The following STIM1 variants were observed in gnomAD, a reference collection of about 807,000 sequenced individuals.
STIM1 encodes stromal interaction molecule 1.
In STIM1, 25 loss-of-function variants were observed where a neutral mutation model predicts 74.7. The observed-to-expected ratio is 0.33, with a 90% CI of 0.24 to 0.47. The LOEUF is 0.47. Among genes scored for constraint, STIM1 ranks in the 20% least tolerant of loss-of-function variants. The probability of loss-of-function intolerance (pLI) is 1.00; values close to 1 mark genes in which losing one functional copy is unlikely to be tolerated. For missense variants in STIM1, 728 were observed against 920.8 expected, an observed-to-expected ratio of 0.79 and a Z score of 2.71; for synonymous variants, 328 against 348.8, an observed-to-expected ratio of 0.94 and a Z score of 0.66.
intron 1 of STIM1, among the ~76,000 whole-genome samples, chr11:3,874,178 G>A (rs1307314498): frequency 6.6e-6 from 1 of 152,104 alleles, no homozygotes; most frequent in African/African-American, 2.4e-5. Context: ...TTTAGGCTGG[G>A]ACTTGGATGT....
chr11:4,027,042 C>A (rs560733638), intron 3 of STIM1, among the ~76,000 whole-genome samples: 3 of 152,170 alleles, frequency 2.0e-5, no homozygotes, highest in African/African-American at 7.2e-5. Flanking sequence ...GACCACCCCC[C>A]ATCCTGAGTC....
At chr11:3,983,867 TCC>T (rs2093531136) in intron 2 of STIM1, among the ~76,000 whole-genome samples, 1 of 151,544 alleles carries the variant, frequency 6.6e-6, no homozygotes, top group African/African-American at 2.4e-5. Context: ...CTCCTCTTTC[TCC>T]TTTCTTTTTT....
intron 1 of STIM1, among the ~76,000 whole-genome samples, chr11:3,860,477 G>A (rs1444606751): frequency 6.6e-6 from 1 of 152,164 alleles, no homozygotes; most frequent in South Asian, 2.1e-4. Flanking sequence ...AAAACTTTGT[G>A]ATAAATCTGC....
chr11:4,055,488 C>T (rs1431870469), intron 3 of STIM1, 38 bp from the exon 4 acceptor site: 1 of 1,481,220 alleles, frequency 6.8e-7, no homozygotes. Context: ...CAGTGCTTGG[C>T]ATTCTAGAGT....
chr11:3,885,595 G>A (rs924214826), intron 1 of STIM1, among the ~76,000 whole-genome samples: 8 of 152,048 alleles, frequency 5.3e-5, no homozygotes, highest in African/African-American at 1.9e-4. Context: ...AGCTCACAAA[G>A]GTGGACACAT....
intron 3 of STIM1, among the ~76,000 whole-genome samples, chr11:4,030,566 A>G (rs934603121): frequency 6.6e-6 from 1 of 152,216 alleles, no homozygotes; most frequent in Non-Finnish European, 1.5e-5. Flanking sequence ...CCATCAAGTC[A>G]TTTAGTTAAA....
At chr11:4,090,052 G>A (rs2094514772) in intron 12 of STIM1, among the ~76,000 whole-genome samples, 2 of 152,160 alleles carry the variant, frequency 1.3e-5, no homozygotes, top group Non-Finnish European at 2.9e-5. Flanking sequence ...AGACTAGCCT[G>A]TGTGTGTGCA....
chr11:3,967,152 T>C (rs952379964), intron 1 of STIM1, among the ~76,000 whole-genome samples: 4 of 152,252 alleles, frequency 2.6e-5, no homozygotes, highest in African/African-American at 9.6e-5. Context: ...TACATTTGTG[T>C]ATTTGGCTGA....
chr11:4,073,142 T>C (rs1176213037), intron 6 of STIM1, among the ~76,000 whole-genome samples: 1 of 151,538 alleles, frequency 6.6e-6, no homozygotes, highest in African/African-American at 2.4e-5. Context: ...GTCCTTCTTG[T>C]TCTGTAGTCT....
At chr11:3,991,920 A>G (rs904433250) in intron 2 of STIM1, among the ~76,000 whole-genome samples, 1 of 133,740 alleles carries the variant, frequency 7.5e-6, no homozygotes, top group Non-Finnish European at 1.6e-5. Context: ...ATTGCACTCC[A>G]GCCTGGGCAA....
chr11:4,056,845 A>G (rs2094293689), intron 4 of STIM1, among the ~76,000 whole-genome samples: 1 of 152,234 alleles, frequency 6.6e-6, no homozygotes, highest in Admixed American at 6.5e-5. Context: ...TTGGGTGAAC[A>G]AACTGAATCT....
chr11:4,037,125 G>A (rs1269381252), intron 3 of STIM1, among the ~76,000 whole-genome samples: 7 of 150,668 alleles, frequency 4.6e-5, no homozygotes, highest in Non-Finnish European at 1.0e-4. Context: ...GCATGATCTC[G>A]GCTCACTGCA....
intron 2 of STIM1, among the ~76,000 whole-genome samples, chr11:3,970,183 A>G (rs570644695): frequency 3.9e-5 from 6 of 152,158 alleles, no homozygotes; most frequent in African/African-American, 7.2e-5. Flanking sequence ...CATCAGCACA[A>G]ACTGTTCCGA....
intron 2 of STIM1, among the ~76,000 whole-genome samples, chr11:3,986,545 C>T (rs141763622): frequency 1.3e-5 from 2 of 152,140 alleles, no homozygotes; most frequent in African/African-American, 4.8e-5. Flanking sequence ...ACAGAGCTGG[C>T]CCTAATTCTG....
In STIM1 at chr11:4,084,672, G is replaced by T. The variant is rs1565171548; in HGVS notation, c.1475-1G>T. The T allele has an allele frequency of 7.8e-7, 1 of 1,289,380 alleles. No homozygotes were observed. Among genetic ancestry groups the T allele is most frequent in the South Asian group, 1.2e-5 (1 of 81,016 alleles). 79.9% of individuals were successfully genotyped at this position (1,289,380 alleles called of 1,614,324 possible). A position where few individuals can be genotyped will look rare whatever the true frequency, so the allele number is the denominator to read the frequency against. On this transcript the variant is annotated splice_acceptor_variant, in intron 10 of 12. Transcript: ENST00000526596. LOFTEE classifies it high-confidence loss of function. ...CCTTTTGGCCTGGCTGTTGACCCTA[G>T]ATGCTGCCTGGCTGATGGGGCGTAG... is the stretch of plus-strand genomic sequence containing the variant.
chr11:3,875,431 A>G (rs779429012), intron 1 of STIM1, among the ~76,000 whole-genome samples: 2 of 152,216 alleles, frequency 1.3e-5, no homozygotes, highest in Non-Finnish European at 2.9e-5. Flanking sequence ...AAATTGGAAC[A>G]TAACAAAATA....
intron 2 of STIM1, among the ~76,000 whole-genome samples, chr11:3,996,934 A>C (rs994305495): frequency 1.3e-5 from 2 of 152,166 alleles, no homozygotes; most frequent in Non-Finnish European, 2.9e-5. Context: ...TTAAGAAGAT[A>C]ATCTCTTTCC....
At chr11:3,937,729 T>C (rs896060932) in intron 1 of STIM1, among the ~76,000 whole-genome samples, 2 of 152,128 alleles carry the variant, frequency 1.3e-5, no homozygotes, top group African/African-American at 4.8e-5. Flanking sequence ...GCTCATCCAC[T>C]GGAGGAGGAA....
intron 2 of STIM1, among the ~76,000 whole-genome samples, chr11:4,023,441 C>T (rs545960610): frequency 6.6e-6 from 1 of 152,262 alleles, no homozygotes; most frequent in East Asian, 1.9e-4. Context: ...TCACTGTTCT[C>T]ATTTATAAAA....
Sources: gnomAD v4.1 joint callset for allele counts (sites outside exome capture counted in the v4.1 genomes callset) on GRCh38, gnomAD v4.1.1 for gene constraint, MANE v1.5 for transcripts, NCBI Gene and HGNC (gene_info 2026-07-23, HGNC 2026-07-21) for gene names.